PTGER3: variants seen among roughly 807,000 people sequenced by gnomAD.
The protein encoded by PTGER3 is prostaglandin E receptor 3, also known as prostaglandin E2 receptor EP3 subtype.
PTGER3 carries 22 observed loss-of-function variants against 34.7 expected under a neutral mutation model. That is an observed-to-expected ratio of 0.63 (90% CI 0.45 to 0.91). The LOEUF (loss-of-function observed/expected upper bound fraction) is 0.91, where lower values mean the gene tolerates loss of function less well. PTGER3 is among the 40% of genes least tolerant of loss of function. The pLI is 0.00. For synonymous variants in PTGER3, 241 were observed against 230.1 expected (o/e 1.05, Z -0.43); for missense variants, 468 against 519.4 (o/e 0.90, Z 0.96).
At chr1:70,959,565 T>C (rs1274839027) in intron 2 of PTGER3, among the ~76,000 whole-genome samples, 1 of 152,140 alleles carries the variant, frequency 6.6e-6, no homozygotes, top group African/African-American at 2.4e-5. Context: ...TTCACCATAT[T>C]GGCGAGGCTG....
intron 4 of PTGER3, chr1:70,852,991 A>T (rs1645715939): frequency 2.8e-6 from 3 of 1,058,224 alleles, no homozygotes; most frequent in Non-Finnish European, 4.3e-6. Flanking sequence ...TTACAGCAGT[A>T]TAACAAGAAC....
intron 2 of PTGER3, among the ~76,000 whole-genome samples, chr1:70,985,644 C>T (rs994693440): frequency 5.3e-5 from 8 of 152,152 alleles, no homozygotes; most frequent in Non-Finnish European, 1.0e-4. Context: ...CCAGTCGTTA[C>T]CTCCTCCTCC....
At chr1:71,008,131 G>T (rs1036314113) in intron 2 of PTGER3, 9 of 978,202 alleles carry the variant, frequency 9.2e-6, no homozygotes, top group Middle Eastern at 5.2e-4. Context: ...TTCTGTGAAA[G>T]AATGGATAAG....
At chr1:70,937,229 G>A (rs990053822) in intron 4 of PTGER3, among the ~76,000 whole-genome samples, 1 of 152,208 alleles carries the variant, frequency 6.6e-6, no homozygotes, top group Non-Finnish European at 1.5e-5. Context: ...TATGGCAGTT[G>A]AAAATTTGGG....
chr1:70,979,070 T>A (rs1157486870), intron 2 of PTGER3, among the ~76,000 whole-genome samples: 6 of 152,126 alleles, frequency 3.9e-5, no homozygotes, highest in Admixed American at 3.9e-4. Flanking sequence ...AAAGTATAGA[T>A]AACTGAGCAG....
At chr1:71,015,001 C>T (rs764177594) in intron 1 of PTGER3, among the ~76,000 whole-genome samples, 1 of 152,178 alleles carries the variant, frequency 6.6e-6, no homozygotes, top group African/African-American at 2.4e-5. Context: ...TTTTGTCTCC[C>T]ACTAATTGCC....
chr1:70,860,706 A>G (rs1036126648), intron 4 of PTGER3, among the ~76,000 whole-genome samples: 2 of 152,188 alleles, frequency 1.3e-5, no homozygotes, highest in Non-Finnish European at 2.9e-5. Context: ...GAACCTACCA[A>G]TAATGTTATG....
intron 1 of PTGER3, among the ~76,000 whole-genome samples, chr1:71,026,691 T>C (rs1658954448): frequency 6.6e-6 from 1 of 151,746 alleles, no homozygotes; most frequent in Admixed American, 6.6e-5. Flanking sequence ...TTTACTTTGC[T>C]GTGGGACTTT....
At chr1:70,950,125 G>T (rs1320662599), downstream of PTGER3, among the ~76,000 whole-genome samples, 1 of 152,162 alleles carries the variant, frequency 6.6e-6, no homozygotes, top group Admixed American at 6.5e-5. Flanking sequence ...AAGGTACAGA[G>T]TGTGAGCTCC....
chr1:70,889,065 A>G (rs1459168052), intron 4 of PTGER3, among the ~76,000 whole-genome samples: 3 of 152,130 alleles, frequency 2.0e-5, no homozygotes, highest in African/African-American at 7.2e-5. Flanking sequence ...TTTACCTACT[A>G]TGCCTAGATA....
At chr1:70,906,524 G>GA (rs1553161967) in intron 4 of PTGER3, among the ~76,000 whole-genome samples, 1 of 151,462 alleles carries the variant, frequency 6.6e-6, no homozygotes, top group African/African-American at 2.4e-5. Context: ...TGCAGGAGTG[G>GA]AAAAAATGAG....
intron 4 of PTGER3, chr1:70,947,345 C>T (rs1192965079): frequency 6.6e-6 from 1 of 152,242 alleles, no homozygotes; most frequent in Non-Finnish European, 1.5e-5. Context: ...GTGAATAAGC[C>T]TCACAAGATA....
rs200372986 is a variant in PTGER3, at chr1:71,047,037, C to T, written c.541G>A (p.Val181Met). The T allele has an allele frequency of 7.4e-6, 12 of 1,611,182 alleles. No homozygotes were observed. The East Asian group carries it at 2.0e-4, about 27-fold the overall frequency. The change falls in exon 1 of 4, where the codon GTG becomes ATG. Residue 181 changes from valine (V) to methionine (M), a missense_variant. Val to Met is a conservative substitution (Grantham distance 21, BLOSUM62 1). Transcript: ENST00000306666. ...TRATRAVLLGVWLAVLAFALL... is the reference protein window; with the variant it reads ...TRATRAVLLGMWLAVLAFALL... ...GCGAAGGCGAGCACGGCCAGCCACA[C>T]GCCGAGCAGCACAGCGCGGGTGGCA...
chr1:70,960,318 T>C (rs1374882249), intron 2 of PTGER3, among the ~76,000 whole-genome samples: 2 of 152,180 alleles, frequency 1.3e-5, no homozygotes, highest in Non-Finnish European at 2.9e-5. Flanking sequence ...CATTAGCTGA[T>C]TAGTGACTCC....
chr1:70,969,689 A>G (rs1652889296), downstream of PTGER3, among the ~76,000 whole-genome samples: 1 of 152,188 alleles, frequency 6.6e-6, no homozygotes, highest in Non-Finnish European at 1.5e-5. Flanking sequence ...TTTTGCATGG[A>G]CAAAAATTAT....
chr1:70,951,256 T>G (rs1650735682), downstream of PTGER3: 1 of 152,188 alleles, frequency 6.6e-6, no homozygotes. Context: ...AGCATTAAAA[T>G]TATTTTTAAC....
At chr1:70,935,693 A>ATT (rs1491421864) in intron 4 of PTGER3, among the ~76,000 whole-genome samples, 1 of 140,726 alleles carries the variant, frequency 7.1e-6, no homozygotes, top group African/African-American at 2.6e-5. Context: ...ATATATATAT[A>ATT]TGTTCTGCTT....
Position 70,971,655 on chromosome 1 carries a change from C to A in PTGER3, c.*75G>T. The A allele has an allele frequency of 1.3e-6, 2 of 1,483,472 alleles. No homozygotes were observed. Among genetic ancestry groups the A allele is most frequent in the Non-Finnish European group, 1.8e-6 (2 of 1,117,824 alleles). 91.9% of individuals were successfully genotyped at this position (1,483,472 alleles called of 1,614,324 possible). A position where few individuals can be genotyped will look rare whatever the true frequency, so the allele number is the denominator to read the frequency against. On this transcript the variant is annotated 3_prime_UTR_variant, in exon 4 of 4. Transcript: ENST00000306666. ...AATCCAAATTAAAATATATAATTAT[C>A]CTTCTCAGGTGGGAAGAAATATGCA...
intron 1 of PTGER3, among the ~76,000 whole-genome samples, chr1:71,028,674 C>T (rs1659155593): frequency 6.6e-6 from 1 of 152,124 alleles, no homozygotes. Context: ...CGTCTTTAAA[C>T]ACCAGGCATT....
Sources: allele counts gnomAD v4.1 joint callset (sites outside exome capture counted in the v4.1 genomes callset), GRCh38; gene constraint gnomAD v4.1.1; transcripts MANE v1.5; gene names NCBI Gene and HGNC (gene_info 2026-07-23, HGNC 2026-07-21).